The following RNF111 variants were observed in gnomAD, a reference collection of about 807,000 sequenced individuals.
RNF111 encodes the protein E3 ubiquitin-protein ligase Arkadia.
RNF111 carries 17 observed loss-of-function variants against 95.1 expected under a neutral mutation model. That is an observed-to-expected ratio of 0.18 (90% CI 0.12 to 0.27). RNF111 has a LOEUF of 0.27. Ranked by LOEUF, RNF111 falls within the 10% of genes least tolerant of loss-of-function variation. The probability of loss-of-function intolerance (pLI) is 1.00; values close to 1 mark genes in which losing one functional copy is unlikely to be tolerated. For synonymous variants in RNF111, 440 were observed against 414.8 expected (o/e 1.06, Z -0.74); for missense variants, 1,189 against 1,210.4 (o/e 0.98, Z 0.26).
intron 2 of RNF111, among the ~76,000 whole-genome samples, chr15:59,032,114 T>C (rs113137848): frequency 0.048 from 7,234 of 152,200 alleles, 595 homozygotes; most frequent in African/African-American, 0.17. Flanking sequence ...AATTTTTGTA[T>C]TTTTAGTGGA....
In RNF111 at chr15:59,055,737, C is replaced by T. The variant is rs764044167; in HGVS notation, c.1063C>T (p.His355Tyr). The T allele has an allele frequency of 2.8e-5, 45 of 1,613,918 alleles. No homozygotes were observed. The highest frequency in any genetic ancestry group is 3.8e-5 in the Non-Finnish European group (45 of 1,179,904). Residue 355 changes from histidine (H) to tyrosine (Y), a missense_variant, in exon 4 of 14, where the codon CAT becomes TAT. Coordinates refer to ENST00000348370, the MANE Select transcript of RNF111 (RefSeq NM_017610.8). Reference sequence around the variant, plus strand: ...TCATTGGAGCCAGGGTTCCAGTTCTCATGCAAGTCGGCCACAGGAGCCACG... The same window carrying T: ...TCATTGGAGCCAGGGTTCCAGTTCTTATGCAAGTCGGCCACAGGAGCCACG... ...RSHWSQGSSS[H>Y]ASRPQEPRNR...
At chr15:58,995,529 G>T (rs1341625617) in intron 1 of RNF111, among the ~76,000 whole-genome samples, 5 of 151,562 alleles carry the variant, frequency 3.3e-5, no homozygotes, top group African/African-American at 1.2e-4. Flanking sequence ...CGCGATCTTG[G>T]CTCACTGCAA....
intron 1 of RNF111, among the ~76,000 whole-genome samples, chr15:59,029,568 A>C (rs1567225478): frequency 6.6e-6 from 1 of 152,266 alleles, no homozygotes; most frequent in South Asian, 2.1e-4. Flanking sequence ...TATATACTAT[A>C]GTAACATGGG....
In RNF111 at chr15:59,031,393, T is replaced by G. The variant is rs140947433; in HGVS notation, c.571T>G (p.Ser191Ala). Reference protein sequence around the residue: ...SHKWPRTETESVSGLLMKRPC... With the variant: ...SHKWPRTETEAVSGLLMKRPC... ...TAAGTGGCCTCGGACTGAGACAGAA[T>G]CTGTATCGGGATTGTTAATGAAAAG... The change falls in exon 2 of 14, where the codon TCT becomes GCT. Residue 191 changes from serine (S) to alanine (A), a missense_variant. This residue lies in a region of RNF111 where 1,024 missense variants were observed against 925.9 expected (regional missense o/e 1.11). Coordinates refer to ENST00000348370, the MANE Select transcript of RNF111 (RefSeq NM_017610.8). 93 of 1,614,176 alleles carry G rather than the reference T, an allele frequency of 5.8e-5. No individual in the cohort carries two copies. The African/African-American group carries it at 1.1e-3, about 20-fold the overall frequency.
chr15:59,019,164 C>T (rs559632864), intron 1 of RNF111, among the ~76,000 whole-genome samples: 1 of 150,042 alleles, frequency 6.7e-6, no homozygotes, highest in African/African-American at 2.5e-5. Context: ...GTTTTGAACC[C>T]CTGGGCTCAA....
rs1438641041 is a variant in RNF111 at position 59,094,870 on chromosome 15, C to T, written c.2931C>T (p.Asp977=). Residue 977 remains aspartate (D), a synonymous_variant, in exon 14 of 14, where the codon GAC becomes GAT. Coordinates refer to ENST00000348370, the MANE Select transcript of RNF111 (RefSeq NM_017610.8). ...AGAAGTGCCCCATATGCAGAGTGGACATTGAGGCCCAGCTGCCAAGTGAAA... is the reference window on the plus strand; with the variant it reads ...AGAAGTGCCCCATATGCAGAGTGGATATTGAGGCCCAGCTGCCAAGTGAAA... ...TNKKCPICRV[D]IEAQLPSES The T allele has an allele frequency of 4.4e-6, 7 of 1,608,758 alleles. No homozygotes were observed. The African/African-American group carries it at 5.4e-5, about 12-fold the overall frequency.
At chr15:59,090,998 C>T in intron 11 of RNF111, 61 bp from the exon 12 acceptor site, 1 of 982,778 alleles carries the variant, frequency 1.0e-6, no homozygotes, top group Non-Finnish European at 1.6e-6. Flanking sequence ...ACAATGTTGA[C>T]AGTTCTGTTC....
chr15:59,023,833 C>G lies in RNF111; in HGVS notation c.-19-6971C>G, dbSNP rs2141679736. On this transcript the variant is annotated intron_variant, in intron 1 of 13. Coordinates refer to ENST00000348370, the MANE Select transcript of RNF111 (RefSeq NM_017610.8). ...ATGCCAAACAAACCATGTCTGTGAG[C>G]TGAATCCTGCCAGTCTAGTTTGAAG... Among the ~76,000 whole-genome samples the G allele has an allele frequency of 1.3e-5, 2 of 152,198 alleles. 1 individual carries two copies. The highest frequency in any genetic ancestry group is 4.1e-4 in the South Asian group (2 of 4,820).
At chr15:59,064,697 C>A (rs1426618431) in intron 5 of RNF111, among the ~76,000 whole-genome samples, 4 of 151,924 alleles carry the variant, frequency 2.6e-5, no homozygotes, top group African/African-American at 9.7e-5. Context: ...AGGTTAAGAA[C>A]CTTTACAAAA....
At chr15:59,089,791 A>C in intron 11 of RNF111, 32 bp downstream of exon 11, 1 of 1,440,262 alleles carries the variant, frequency 6.9e-7, no homozygotes, top group Non-Finnish European at 9.8e-7. Context: ...TATGTTTGTC[A>C]CAGTATCTTT....
At chr15:59,070,786 A>G (rs2042888765) in intron 6 of RNF111, among the ~76,000 whole-genome samples, 2 of 152,130 alleles carry the variant, frequency 1.3e-5, no homozygotes, top group South Asian at 2.1e-4. Flanking sequence ...AGCTCACTGA[A>G]ATTAAAAAGA....
At chr15:59,007,965 T>C (rs1314410185) in intron 1 of RNF111, among the ~76,000 whole-genome samples, 1 of 152,212 alleles carries the variant, frequency 6.6e-6, no homozygotes, top group Non-Finnish European at 1.5e-5. Context: ...GTCCTTTTGT[T>C]TTCTTAATGC....
intron 1 of RNF111, among the ~76,000 whole-genome samples, chr15:59,018,681 TAA>T (rs1308511376): frequency 1.3e-5 from 2 of 152,172 alleles, no homozygotes; most frequent in Non-Finnish European, 2.9e-5. Context: ...TATATTAATA[TAA>T]GTTGTTTTAC....
chr15:59,002,528 G>A (rs1255055814), intron 1 of RNF111, among the ~76,000 whole-genome samples: 1 of 150,686 alleles, frequency 6.6e-6, no homozygotes, highest in Non-Finnish European at 1.5e-5. Context: ...AGTTCTGAGT[G>A]AAAGCCCTCA....
chr15:59,056,050 A>G (rs1471702338), intron 4 of RNF111, among the ~76,000 whole-genome samples: 1 of 152,136 alleles, frequency 6.6e-6, no homozygotes, highest in East Asian at 1.9e-4. Flanking sequence ...TCAATACTTG[A>G]TAGCTATTTT....
At chr15:59,073,042 C>T (rs879304480) in intron 6 of RNF111, among the ~76,000 whole-genome samples, 8 of 152,006 alleles carry the variant, frequency 5.3e-5, no homozygotes, top group African/African-American at 1.7e-4. Context: ...TGCAGTGGCA[C>T]GCGCCTGTGG....
At chr15:59,067,831 C>T (rs899615611) in intron 6 of RNF111, among the ~76,000 whole-genome samples, 5 of 152,108 alleles carry the variant, frequency 3.3e-5, no homozygotes, top group South Asian at 2.1e-4. Context: ...TCACTATAAC[C>T]TTCACTCATC....
intron 2 of RNF111, among the ~76,000 whole-genome samples, chr15:59,035,752 A>G (rs1222173478): frequency 1.3e-5 from 2 of 152,198 alleles, no homozygotes; most frequent in Non-Finnish European, 2.9e-5. Context: ...AGAGTGGCCC[A>G]TTTACTCCAG....
At chr15:59,024,284 T>A (rs1787876983) in intron 1 of RNF111, among the ~76,000 whole-genome samples, 1 of 152,186 alleles carries the variant, frequency 6.6e-6, no homozygotes, top group South Asian at 2.1e-4. Context: ...TTTACTTCCT[T>A]CCTTTTACTC....
Sources: gnomAD v4.1 joint callset for allele counts (sites outside exome capture counted in the v4.1 genomes callset) on GRCh38, gnomAD v4.1.1 for gene constraint, gnomAD v4.1.1 regional missense constraint, MANE v1.5 for transcripts, NCBI Gene and HGNC (gene_info 2026-07-23, HGNC 2026-07-21) for gene names.